The following EPHA6 variants were observed in gnomAD, a reference collection of about 807,000 sequenced individuals.
The protein encoded by EPHA6 is ephrin type-A receptor 6.
EPHA6 carries 50 observed loss-of-function variants against 112.0 expected under a neutral mutation model. The ratio of observed to expected loss-of-function variants is 0.45; its 90% CI spans 0.36 to 0.56. The LOEUF (loss-of-function observed/expected upper bound fraction) is 0.56, where lower values mean the gene tolerates loss of function less well. Ranked by LOEUF, EPHA6 falls within the 20% of genes least tolerant of loss-of-function variation. EPHA6 has a pLI of 0.00. For synonymous variants in EPHA6, 529 were observed against 490.7 expected (o/e 1.08, Z -1.03); for missense variants, 1,280 against 1,417.4 (o/e 0.90, Z 1.56).
intron 1 of EPHA6, among the ~76,000 whole-genome samples, chr3:96,860,326 A>AT (rs1259068687): frequency 6.6e-6 from 1 of 151,962 alleles, no homozygotes; most frequent in African/African-American, 2.4e-5. Context: ...ACTCAAAGTT[A>AT]TTTTTTTCCT....
At chr3:97,039,523 G>C (rs1268185526) in intron 3 of EPHA6, among the ~76,000 whole-genome samples, 1 of 151,936 alleles carries the variant, frequency 6.6e-6, no homozygotes, top group Non-Finnish European at 1.5e-5. Context: ...TAGTTAGTTG[G>C]AATAGATTAT....
intron 5 of EPHA6, among the ~76,000 whole-genome samples, chr3:97,293,562 C>T (rs1039497565): frequency 5.9e-5 from 9 of 152,206 alleles, no homozygotes; most frequent in African/African-American, 1.9e-4. Context: ...AGCAGGTAGT[C>T]GTGACATCTG....
At chr3:97,163,333 A>G (rs2076461409) in intron 3 of EPHA6, among the ~76,000 whole-genome samples, 1 of 152,168 alleles carries the variant, frequency 6.6e-6, no homozygotes, top group Non-Finnish European at 1.5e-5. Flanking sequence ...CAAACAAACC[A>G]TTAGCAAACA....
At chr3:97,357,250 A>C (rs886878958) in intron 5 of EPHA6, among the ~76,000 whole-genome samples, 2 of 152,134 alleles carry the variant, frequency 1.3e-5, no homozygotes, top group African/African-American at 4.8e-5. Context: ...TCTGTCACCT[A>C]GGCTGGATTG....
At chr3:97,726,664 C>A (rs56381540) in intron 15 of EPHA6, among the ~76,000 whole-genome samples, 1 of 151,948 alleles carries the variant, frequency 6.6e-6, no homozygotes, top group African/African-American at 2.4e-5. Flanking sequence ...TAAGGTATTT[C>A]AGGGTAATGT....
intron 11 of EPHA6, among the ~76,000 whole-genome samples, chr3:97,580,181 C>T (rs2093424635): frequency 6.6e-6 from 1 of 152,134 alleles, no homozygotes; most frequent in Non-Finnish European, 1.5e-5. Flanking sequence ...AAATAAAATG[C>T]ACTCAAACTG....
At chr3:96,844,215 A>T (rs1035244503) in intron 1 of EPHA6, among the ~76,000 whole-genome samples, 31 of 152,028 alleles carry the variant, frequency 2.0e-4, no homozygotes, top group African/African-American at 7.2e-4. Flanking sequence ...CCTAAGAACA[A>T]AATCTAGTGA....
At chr3:97,199,080 G>A (rs923558043) in intron 3 of EPHA6, among the ~76,000 whole-genome samples, 3 of 152,110 alleles carry the variant, frequency 2.0e-5, no homozygotes, top group African/African-American at 7.2e-5. Context: ...TGTTGGCACA[G>A]GCATATATGA....
chr3:97,340,132 A>C (rs1228201400), intron 5 of EPHA6, among the ~76,000 whole-genome samples: 1 of 152,230 alleles, frequency 6.6e-6, no homozygotes, highest in African/African-American at 2.4e-5. Flanking sequence ...TAAGACTCTT[A>C]TTTCAAACAA....
intron 5 of EPHA6, among the ~76,000 whole-genome samples, chr3:97,300,515 A>G (rs1559862674): frequency 6.6e-6 from 1 of 152,140 alleles, no homozygotes; most frequent in South Asian, 2.1e-4. Context: ...TCACACACAA[A>G]TGTAGTAGGC....
At position 96,987,367 on chromosome 3, in the gene EPHA6, C is replaced by G; in HGVS notation, c.488C>G (p.Pro163Arg). 1 of 1,613,108 alleles carries G rather than the reference C, an allele frequency of 6.2e-7. No homozygotes were observed. Among genetic ancestry groups the G allele is most frequent in the Non-Finnish European group, 8.5e-7 (1 of 1,179,396 alleles). Residue 163 changes from proline to arginine, a missense_variant, in exon 3 of 18, where the codon CCC becomes CGC. Coordinates refer to ENST00000389672, the MANE Select transcript of EPHA6 (RefSeq NM_001080448.3). Reference sequence around the variant, plus strand: ...ACTGAAATGGATGAACATAATAGGCCCATTCACACATACCAGGTATGTAAT... The same window carrying G: ...ACTGAAATGGATGAACATAATAGGCGCATTCACACATACCAGGTATGTAAT... The part of the protein sequence containing the change: ...AITEMDEHNR[P>R]IHTYQVCNVM...
chr3:96,885,770 G>A (rs528186001), intron 2 of EPHA6, among the ~76,000 whole-genome samples: 83 of 151,742 alleles, frequency 5.5e-4, no homozygotes, highest in Middle Eastern at 3.4e-3. Flanking sequence ...ACTGGGTTTG[G>A]GTTTGGTTTG....
intron 3 of EPHA6, among the ~76,000 whole-genome samples, chr3:97,063,309 C>T (rs1411648570): frequency 6.6e-6 from 1 of 152,104 alleles, no homozygotes; most frequent in Non-Finnish European, 1.5e-5. Context: ...CCCAAATCCC[C>T]ATCAATGATA....
chr3:97,408,562 G>C (rs1403984151), intron 6 of EPHA6, among the ~76,000 whole-genome samples: 1 of 152,000 alleles, frequency 6.6e-6, no homozygotes, highest in Non-Finnish European at 1.5e-5. Flanking sequence ...ATAAACAATA[G>C]ACATTTATTT....
In EPHA6 at chr3:96,987,989, C is replaced by T. The variant is rs2043082473; in HGVS notation, c.1110C>T (p.Cys370=). The T allele has an allele frequency of 6.5e-7, 1 of 1,539,732 alleles. No individual in the cohort carries two copies. The highest frequency in any genetic ancestry group is 8.8e-7 in the Non-Finnish European group (1 of 1,139,342). The change falls in exon 3 of 18, where the codon TGC becomes TGT. Residue 370 remains cysteine (C), a synonymous_variant. Coordinates refer to ENST00000389672, the MANE Select transcript of EPHA6 (RefSeq NM_001080448.3). ...GATATGAAGAAATTGAGGGTTCTTG[C>T]CATGGTAAGAAACAAACATTTAAAT... ...STGYEEIEGS[C]HACRPGFYKA...
chr3:97,614,205 T>C (rs2093743961), intron 13 of EPHA6, among the ~76,000 whole-genome samples: 1 of 152,036 alleles, frequency 6.6e-6, no homozygotes, highest in Non-Finnish European at 1.5e-5. Context: ...AAAAAATTCC[T>C]TTGTTTTATA....
intron 6 of EPHA6, chr3:97,439,553 A>G: frequency 2.3e-6 from 2 of 876,946 alleles, no homozygotes; most frequent in Non-Finnish European, 2.8e-6. Flanking sequence ...TTGGTTGCCA[A>G]CAACAGAACC....
At chr3:96,908,318 T>G (rs2039042965) in intron 2 of EPHA6, among the ~76,000 whole-genome samples, 1 of 152,004 alleles carries the variant, frequency 6.6e-6, no homozygotes, top group Non-Finnish European at 1.5e-5. Flanking sequence ...CTACTAATTT[T>G]TTCTATATAT....
intron 5 of EPHA6, among the ~76,000 whole-genome samples, chr3:97,395,533 T>G (rs1180254836): frequency 6.6e-6 from 1 of 151,848 alleles, no homozygotes; most frequent in Admixed American, 6.6e-5. Flanking sequence ...CACTGTTGTG[T>G]GCTTCTGCTT....
Sources: allele counts gnomAD v4.1 joint callset (sites outside exome capture counted in the v4.1 genomes callset), GRCh38; gene constraint gnomAD v4.1.1; transcripts MANE v1.5; gene names NCBI Gene and HGNC (gene_info 2026-07-23, HGNC 2026-07-21).